Variants in ZHX3 observed in about 807,000 individuals in gnomAD.
The protein encoded by ZHX3 is zinc fingers and homeoboxes 3.
ZHX3 carries 20 observed loss-of-function variants against 64.5 expected under a neutral mutation model. The observed-to-expected ratio is 0.31, with a 90% CI of 0.22 to 0.45. The LOEUF is 0.45. Among genes scored for constraint, ZHX3 ranks in the 20% least tolerant of loss-of-function variants. The probability of loss-of-function intolerance (pLI) is 1.00; values close to 1 mark genes in which losing one functional copy is unlikely to be tolerated. For missense variants in ZHX3, 1,041 were observed against 1,195.8 expected, an observed-to-expected ratio of 0.87 and a Z score of 1.91; for synonymous variants, 423 against 461.6, an observed-to-expected ratio of 0.92 and a Z score of 1.07.
intron 2 of ZHX3, among the ~76,000 whole-genome samples, chr20:41,251,844 A>G (rs996878611): frequency 6.6e-6 from 1 of 152,076 alleles, no homozygotes; most frequent in Non-Finnish European, 1.5e-5. Flanking sequence ...AAATATATAT[A>G]TATATATAAC....
chr20:41,233,583 C>T (rs1026691062), intron 2 of ZHX3, among the ~76,000 whole-genome samples: 42 of 152,210 alleles, frequency 2.8e-4, no homozygotes, highest in East Asian at 5.8e-4. Flanking sequence ...AAAACATATG[C>T]CCTGTGTCTG....
In ZHX3 at chr20:41,180,375, A is replaced by G. The variant is rs1439602334; in HGVS notation, c.*4816T>C. ...GGGGTGCTTTCCCCTGTCCTTGTCCATATGGTAACCAGGGTCTGCCTAGTC... is the reference window on the plus strand; with the variant it reads ...GGGGTGCTTTCCCCTGTCCTTGTCCGTATGGTAACCAGGGTCTGCCTAGTC... On this transcript the variant is annotated 3_prime_UTR_variant, in exon 4 of 4. Transcript: ENST00000683867. 1 of 152,396 alleles carries G rather than the reference A, an allele frequency of 6.6e-6. No individual in the cohort carries two copies. The highest frequency in any genetic ancestry group is 1.5e-5 in the Non-Finnish European group (1 of 68,070). 9.4% of individuals were successfully genotyped at this position (152,396 alleles called of 1,614,324 possible). A position where few individuals can be genotyped will look rare whatever the true frequency, so the allele number is the denominator to read the frequency against.
chr20:41,196,475 T>A (rs60914309), intron 3 of ZHX3, among the ~76,000 whole-genome samples: 3 of 37,110 alleles, frequency 8.1e-5, no homozygotes, highest in African/African-American at 4.3e-4. Flanking sequence ...TAATATATAT[T>A]TATATATTAT....
chr20:41,304,068 A>G (rs2044902941), intron 1 of ZHX3, among the ~76,000 whole-genome samples: 1 of 151,828 alleles, frequency 6.6e-6, no homozygotes, highest in Non-Finnish European at 1.5e-5. Flanking sequence ...CTGTACTCCC[A>G]CCTTCTTGAA....
chr20:41,237,957 A>C (rs1482030741), intron 2 of ZHX3, among the ~76,000 whole-genome samples: 1 of 152,166 alleles, frequency 6.6e-6, no homozygotes, highest in East Asian at 1.9e-4. Flanking sequence ...TCTGGTGTAC[A>C]TGTCTCTTCT....
chr20:41,214,509 A>T (rs1194780247), intron 2 of ZHX3, among the ~76,000 whole-genome samples: 1 of 152,226 alleles, frequency 6.6e-6, no homozygotes, highest in East Asian at 1.9e-4. Context: ...TAAGGGCTAC[A>T]GACCTCTTGA....
chr20:41,226,699 C>T lies in ZHX3; in HGVS notation c.-150-21633G>A, dbSNP rs2040296300. On this transcript the variant is annotated intron_variant, in intron 2 of 3. Transcript: ENST00000683867. This position sits in a 1 kb window ranked among gnomAD's most constrained non-coding sequence, Gnocchi z 4.4. ...TCACTCCCTAGTCCTTTCTGATAACCTCCTGGTTCCTCTATTTTCAAGTGA... is the reference window on the plus strand; with the variant it reads ...TCACTCCCTAGTCCTTTCTGATAACTTCCTGGTTCCTCTATTTTCAAGTGA... Among the ~76,000 whole-genome samples, 1 of 152,142 alleles carries T rather than the reference C, an allele frequency of 6.6e-6. No homozygotes were observed. Among genetic ancestry groups the T allele is most frequent in the Non-Finnish European group, 1.5e-5 (1 of 68,026 alleles).
rs1013874768 is a variant in ZHX3, at chr20:41,228,310, G to A, written c.-150-23244C>T. Among the ~76,000 whole-genome samples the A allele has an allele frequency of 6.6e-6, 1 of 152,070 alleles. No individual in the cohort carries two copies. Among genetic ancestry groups the A allele is most frequent in the Admixed American group, 6.6e-5 (1 of 15,266 alleles). ...ATAAATTTCTGGCTCCGTTGACCCT[G>A]GCACTCACCCTTCCAAAAAACGAAA... On this transcript the variant is annotated intron_variant, in intron 2 of 3. Transcript: ENST00000683867. The surrounding 1 kb of genome is among the most constrained non-coding windows in gnomAD (Gnocchi z 4.6).
Position 41,201,202 on chromosome 20 carries a change from A to G in ZHX3, c.2860+855T>C. ...TAGTGTCTCCTGTACCCCCTCCCAC[A>G]TTGCCAACTCAGCTAGCAATGCTGC... On this transcript the variant is annotated intron_variant, in intron 3 of 3. Coordinates refer to ENST00000683867, the MANE Select transcript of ZHX3 (RefSeq NM_001384317.1). This position sits in a 1 kb window ranked among gnomAD's most constrained non-coding sequence, Gnocchi z 5.0. 1 of 986,314 alleles carries G rather than the reference A, an allele frequency of 1.0e-6. No homozygotes were observed. The highest frequency in any genetic ancestry group is 1.6e-5 in the South Asian group (1 of 62,384). The allele number at this position is 986,314 out of a possible 1,614,324, so 61.1% of individuals were successfully genotyped here.
chr20:41,268,338 C>A (rs1206861952), intron 2 of ZHX3, among the ~76,000 whole-genome samples: 1 of 144,970 alleles, frequency 6.9e-6, no homozygotes, highest in Non-Finnish European at 1.5e-5. Context: ...TCTATTTCAT[C>A]AAATGAAGGC....
chr20:41,300,630 C>T (rs980032741), intron 1 of ZHX3, among the ~76,000 whole-genome samples: 2 of 152,156 alleles, frequency 1.3e-5, no homozygotes, highest in Admixed American at 6.5e-5. Context: ...AGAAGTGGCA[C>T]CTACCCAGCC....
intron 1 of ZHX3, among the ~76,000 whole-genome samples, chr20:41,285,067 C>A (rs1160222320): frequency 2.6e-5 from 4 of 152,150 alleles, no homozygotes; most frequent in South Asian, 2.1e-4. Context: ...ACTACCCTTG[C>A]ATCTCCCCAC....
At position 41,185,122 on chromosome 20, in the gene ZHX3, G is replaced by A. The variant is rs1272756591; in HGVS notation, c.*69C>T. On this transcript the variant is annotated 3_prime_UTR_variant, in exon 4 of 4. Coordinates refer to ENST00000683867, the MANE Select transcript of ZHX3 (RefSeq NM_001384317.1). This position sits in a 1 kb window ranked among gnomAD's most constrained non-coding sequence, Gnocchi z 5.0. ...GAACGGCATGTGGCAGCAGAGAGTC[G>A]GGTTTGGCTCTTCCACGTGGCAGGC... The A allele has an allele frequency of 1.8e-5, 28 of 1,587,004 alleles. No homozygotes were observed. The highest frequency in any genetic ancestry group is 4.0e-5 in the African/African-American group (3 of 74,590).
At chr20:41,216,278 T>G (rs1047182689) in intron 2 of ZHX3, among the ~76,000 whole-genome samples, 4 of 152,196 alleles carry the variant, frequency 2.6e-5, no homozygotes, top group Admixed American at 2.0e-4. Context: ...ACTTTGAAAT[T>G]TATCCTTTTT....
At chr20:41,281,611 T>C (rs1360311250) in intron 1 of ZHX3, among the ~76,000 whole-genome samples, 1 of 152,122 alleles carries the variant, frequency 6.6e-6, no homozygotes, top group African/African-American at 2.4e-5. Context: ...GAACCATAGA[T>C]GGTAATTAAA....
chr20:41,242,951 C>T (rs1005002419), intron 2 of ZHX3, among the ~76,000 whole-genome samples: 2 of 152,162 alleles, frequency 1.3e-5, no homozygotes, highest in African/African-American at 2.4e-5. Context: ...AAATGTAATA[C>T]CACTTCCTCT....
chr20:41,301,826 G>A lies in ZHX3; in HGVS notation c.-245+15683C>T, dbSNP rs79706199. Among the ~76,000 whole-genome samples, 7 of 151,772 alleles carry A rather than the reference G, an allele frequency of 4.6e-5. No homozygotes were observed. The East Asian group carries it at 5.8e-4, about 13-fold the overall frequency. On this transcript the variant is annotated intron_variant, in intron 1 of 3. Transcript: ENST00000683867. ...TCCCAGCACTTTGGGAGGCCGAGGCGGGCGGATCACGAGGTCAGGAGATCG... is the reference window on the plus strand; with the variant it reads ...TCCCAGCACTTTGGGAGGCCGAGGCAGGCGGATCACGAGGTCAGGAGATCG...
chr20:41,204,187 C>A lies in ZHX3; in HGVS notation c.730G>T (p.Ala244Ser), dbSNP rs1185518112. The change falls in exon 3 of 4, where the codon GCC becomes TCC. Residue 244 changes from alanine to serine, a missense_variant. Ala to Ser is a moderately conservative substitution (Grantham distance 99). Coordinates refer to ENST00000683867, the MANE Select transcript of ZHX3 (RefSeq NM_001384317.1). The surrounding 1 kb of genome is among the most constrained non-coding windows in gnomAD (Gnocchi z 6.6). ...NGAVPVSQASASSAKNPHAAN... is the reference protein window; with the variant it reads ...NGAVPVSQASSSSAKNPHAAN... ...GCATGGGGGTTTTTTGCAGAGCTGG[C>A]AGATGCCTGGCTGACTGGAACTGCC... is the stretch of plus-strand genomic sequence containing the variant. The A allele has an allele frequency of 6.2e-7, 1 of 1,609,438 alleles. No individual in the cohort carries two copies. Among genetic ancestry groups the A allele is most frequent in the Admixed American group, 1.7e-5 (1 of 59,574 alleles).
intron 2 of ZHX3, among the ~76,000 whole-genome samples, chr20:41,210,820 C>A (rs970206243): frequency 2.6e-5 from 4 of 151,994 alleles, no homozygotes; most frequent in Non-Finnish European, 2.9e-5. Context: ...GCACATGTAC[C>A]CTAAAACTTA....
Sources: gnomAD v4.1 joint callset for allele counts (sites outside exome capture counted in the v4.1 genomes callset) on GRCh38, gnomAD v4.1.1 for gene constraint, Gnocchi (gnomAD v3.1) non-coding constraint, MANE v1.5 for transcripts, NCBI Gene and HGNC (gene_info 2026-07-23, HGNC 2026-07-21) for gene names.